The following SUFU variants were observed in gnomAD, a reference collection of about 807,000 sequenced individuals.
SUFU encodes suppressor of fused homolog.
SUFU carries 7 observed loss-of-function variants against 58.9 expected under a neutral mutation model. The observed-to-expected ratio is 0.12, with a 90% CI of 0.07 to 0.22. The LOEUF (loss-of-function observed/expected upper bound fraction) is 0.22. SUFU is among the 10% of genes least tolerant of loss of function. SUFU has a pLI of 1.00. For synonymous variants in SUFU, 232 were observed against 254.8 expected (o/e 0.91, Z 0.85); for missense variants, 451 against 641.3 (o/e 0.70, Z 3.20).
intron 8 of SUFU, among the ~76,000 whole-genome samples, chr10:102,605,553 C>T (rs568705920): frequency 1.3e-5 from 2 of 152,142 alleles, no homozygotes; most frequent in Admixed American, 6.5e-5. Context: ...TACTATTCAC[C>T]TTTTGTGGCC....
At chr10:102,541,697 CTTTTTTTTT>C (rs869264798) in intron 2 of SUFU, among the ~76,000 whole-genome samples, 39 of 56,088 alleles carry the variant, frequency 7.0e-4, no homozygotes, top group Admixed American at 2.0e-3. Context: ...CCGCGCCCGG[CTTTTTTTTT>C]TTTTTTTTTT....
intron 3 of SUFU, among the ~76,000 whole-genome samples, chr10:102,565,951 G>A (rs779205687): frequency 6.6e-6 from 1 of 152,196 alleles, no homozygotes; most frequent in African/African-American, 2.4e-5. Flanking sequence ...CTCTTTCAGC[G>A]GAATGTGGCC....
rs1554854552 is a variant in SUFU, at chr10:102,615,260, C to T, written c.1023-8C>T. 13 of 1,614,184 alleles carry T rather than the reference C, an allele frequency of 8.1e-6. No individual in the cohort carries two copies. The highest frequency in any genetic ancestry group is 2.2e-5 in the East Asian group (1 of 44,890). On this transcript the variant is annotated splice_polypyrimidine_tract_variant and splice_region_variant and intron_variant, in intron 8 of 11. Transcript: ENST00000369902. The stretch of plus-strand genomic sequence containing the variant: ...TGTGCCGAACCTTTTCCTGTGCTTG[C>T]TTCACAGGAGCCGCAAAGACAGCCT...
chr10:102,585,364 A>T (rs1209991288), intron 3 of SUFU, among the ~76,000 whole-genome samples: 1 of 152,126 alleles, frequency 6.6e-6, no homozygotes, highest in African/African-American at 2.4e-5. Flanking sequence ...CACTTAGCAT[A>T]ATGTCTTTAA....
At chr10:102,535,309 A>C (rs1326081875) in intron 2 of SUFU, among the ~76,000 whole-genome samples, 1 of 151,924 alleles carries the variant, frequency 6.6e-6, no homozygotes, top group Non-Finnish European at 1.5e-5. Context: ...ACATGGAGAA[A>C]CCTCGTCTCT....
intron 8 of SUFU, among the ~76,000 whole-genome samples, chr10:102,610,437 T>C (rs1013813585): frequency 1.9e-4 from 28 of 148,692 alleles, no homozygotes; most frequent in Admixed American, 1.7e-3. Context: ...CCTGCCCAAG[T>C]AGACAAAGGA....
chr10:102,535,930 AGATGATGATGATGATGATGATGAT>A (rs36203045), intron 2 of SUFU, among the ~76,000 whole-genome samples: 1 of 148,830 alleles, frequency 6.7e-6, no homozygotes, highest in South Asian at 2.2e-4. Context: ...TCTAGGCTGG[AGATGATGATGATGATGATGATGAT>A]GATGATGATG....
Position 102,541,650 on chromosome 10 carries a change from C to T in SUFU, c.318-8320C>T, listed in dbSNP as rs1810761. Among the ~76,000 whole-genome samples the T allele has an allele frequency of 3.5e-3, 517 of 148,720 alleles. 14 individuals are homozygous for T. The highest frequency in any genetic ancestry group is 0.026 in the Admixed American group (383 of 14,936). ...CTGACCTCAGGTGATCTGCCTGCCT[C>T]GGCCTCCCAAAGTGCTAGGATTGCA... On this transcript the variant is annotated intron_variant, in intron 2 of 11. Coordinates refer to ENST00000369902, the MANE Select transcript of SUFU (RefSeq NM_016169.4).
intron 2 of SUFU, among the ~76,000 whole-genome samples, chr10:102,539,013 G>C (rs772696506): frequency 6.6e-6 from 1 of 152,140 alleles, no homozygotes; most frequent in Non-Finnish European, 1.5e-5. Context: ...TGCTTTGTGC[G>C]GGTCAGACAG....
intron 10 of SUFU, chr10:102,618,688 T>G: frequency 3.3e-6 from 1 of 304,282 alleles, no homozygotes. Flanking sequence ...TTTCTGTCCA[T>G]GTGGTGTTGG....
At chr10:102,535,974 TTGA>T (rs1334338380) in intron 2 of SUFU, among the ~76,000 whole-genome samples, 8 of 144,378 alleles carry the variant, frequency 5.5e-5, no homozygotes, top group Admixed American at 4.2e-4. Context: ...GATGATGTTG[TTGA>T]TGATTTTAAG....
intron 3 of SUFU, among the ~76,000 whole-genome samples, chr10:102,565,614 G>A (rs1690407447): frequency 1.3e-5 from 2 of 152,248 alleles, no homozygotes; most frequent in South Asian, 2.1e-4. Context: ...GCGCGATCTC[G>A]GCTCACTGCA....
At chr10:102,527,284 G>C (rs906432178) in intron 2 of SUFU, among the ~76,000 whole-genome samples, 3 of 152,144 alleles carry the variant, frequency 2.0e-5, no homozygotes, top group Non-Finnish European at 2.9e-5. Context: ...TTACAGGCGT[G>C]AGCCACCGCG....
chr10:102,592,913 G>A (rs2063419109), intron 4 of SUFU, among the ~76,000 whole-genome samples, 189 bp downstream of exon 4: 1 of 152,216 alleles, frequency 6.6e-6, no homozygotes, highest in Non-Finnish European at 1.5e-5. Context: ...TGGGAGAGGG[G>A]AGAAAGGGAA....
At chr10:102,568,921 CACATATATATATATATATATATATAT>C (rs2063128503) in intron 3 of SUFU, among the ~76,000 whole-genome samples, 2 of 9,536 alleles carry the variant, frequency 2.1e-4, no homozygotes, top group African/African-American at 7.5e-4. Context: ...TATATATATA[CACATATATATATATATATATATATAT>C]ATATATATAT....
Position 102,592,784 on chromosome 10 carries a change from AG to A in SUFU, c.597+62del. On this transcript the variant is annotated intron_variant, in intron 4 of 11. Transcript: ENST00000369902. The stretch of plus-strand genomic sequence containing the variant: ...CTGTGGGAAGGGTCCTGGGAGGACA[AG>A]GAGGCTTGAGGAGGGGGAGTGAAGG... 3 of 1,590,578 alleles carry A rather than the reference AG, an allele frequency of 1.9e-6. No homozygotes were observed. The South Asian group carries it at 3.3e-5, about 18-fold the overall frequency.
chr10:102,542,010 G>A (rs1352323502), intron 2 of SUFU, among the ~76,000 whole-genome samples: 12 of 150,326 alleles, frequency 8.0e-5, no homozygotes, highest in African/African-American at 2.0e-4. Context: ...TCAGTCTCCC[G>A]AGTAGCTGAG....
At chr10:102,570,755 G>A (rs1430547884) in intron 3 of SUFU, among the ~76,000 whole-genome samples, 1 of 152,166 alleles carries the variant, frequency 6.6e-6, no homozygotes, top group Non-Finnish European at 1.5e-5. Context: ...AGTTTCCTAA[G>A]CTGAAAATTA....
rs541434048 is a variant in SUFU, at chr10:102,617,592, A to T, written c.1296+164A>T. 2.3e-4 allele frequency: 212 copies of T among 915,774 alleles called. 7 individuals are homozygous for T. The South Asian group carries it at 3.3e-3, about 14-fold the overall frequency. The allele number at this position is 915,774 out of a possible 1,614,324, so 56.7% of individuals were successfully genotyped here. On this transcript the variant is annotated intron_variant, in intron 10 of 11. Coordinates refer to ENST00000369902, the MANE Select transcript of SUFU (RefSeq NM_016169.4). The surrounding 1 kb of genome is among the most constrained non-coding windows in gnomAD (Gnocchi z 4.4). Reference sequence around the variant, plus strand: ...GCCTGTGTGTAGGTATGGAGTGTGGATGCTGCTACCCACTCCAGCAGCTTA... The same window carrying T: ...GCCTGTGTGTAGGTATGGAGTGTGGTTGCTGCTACCCACTCCAGCAGCTTA...
Sources: gnomAD v4.1 joint callset for allele counts (sites outside exome capture counted in the v4.1 genomes callset) on GRCh38, gnomAD v4.1.1 for gene constraint, Gnocchi (gnomAD v3.1) non-coding constraint, MANE v1.5 for transcripts, NCBI Gene and HGNC (gene_info 2026-07-23, HGNC 2026-07-21) for gene names.